The following ARSK variants were observed in gnomAD, a reference collection of about 807,000 sequenced individuals.
The protein encoded by ARSK is arylsulfatase K.
In ARSK, 37 loss-of-function variants were observed where a neutral mutation model predicts 53.2. The ratio of observed to expected loss-of-function variants is 0.70; its 90% CI spans 0.54 to 0.92. ARSK has a LOEUF of 0.92. ARSK is among the 40% of genes least tolerant of loss of function. The pLI is 0.00. For synonymous variants in ARSK, 208 were observed against 223.2 expected, an observed-to-expected ratio of 0.93 and a Z score of 0.61; for missense variants, 613 against 643.0, an observed-to-expected ratio of 0.95 and a Z score of 0.51.
rs1749462005 is a variant in ARSK at position 95,604,195 on chromosome 5, T to G, written c.*669T>G. The G allele has an allele frequency of 6.6e-6, 1 of 152,228 alleles. No homozygotes were observed. Among genetic ancestry groups the G allele is most frequent in the Non-Finnish European group, 1.5e-5 (1 of 68,036 alleles). 9.4% of individuals were successfully genotyped at this position (152,228 alleles called of 1,614,324 possible). A position where few individuals can be genotyped will look rare whatever the true frequency, so the allele number is the denominator to read the frequency against. On this transcript the variant is annotated 3_prime_UTR_variant, in exon 8 of 8. Coordinates refer to ENST00000380009, the MANE Select transcript of ARSK (RefSeq NM_198150.3). ...TTGATGGTGCTCGATGAGTTACTTG[T>G]ATTTGATGGGATTGTTTGGATGTAT...
At chr5:95,594,839 CAAACAAAAAAAAAAAAAAG>C (rs1315386384) in intron 6 of ARSK, among the ~76,000 whole-genome samples, 2 of 51,270 alleles carry the variant, frequency 3.9e-5, no homozygotes, top group Non-Finnish European at 1.1e-4. Flanking sequence ...GACTACGTCT[CAAACAAAAAAAAAAAAAAG>C]AAAGAAATAG....
chr5:95,557,464 T>C (rs1167758881), intron 1 of ARSK, among the ~76,000 whole-genome samples: 2 of 152,256 alleles, frequency 1.3e-5, no homozygotes, highest in Admixed American at 6.5e-5. Flanking sequence ...ACTTATTTGC[T>C]TTATCCAAAC....
chr5:95,568,815 C>G (rs1007810031), intron 3 of ARSK, among the ~76,000 whole-genome samples: 13 of 151,992 alleles, frequency 8.6e-5, no homozygotes, highest in Admixed American at 2.6e-4. Context: ...TGGTTTATGC[C>G]GAATACCAGC....
In ARSK at chr5:95,555,705, C is replaced by T. The variant is rs1748485948; in HGVS notation, c.126+301C>T. Among the ~76,000 whole-genome samples, 2 of 152,128 alleles carry T rather than the reference C, an allele frequency of 1.3e-5. No homozygotes were observed. Among genetic ancestry groups the T allele is most frequent in the Admixed American group, 1.3e-4 (2 of 15,268 alleles). On this transcript the variant is annotated intron_variant, in intron 1 of 7. Transcript: ENST00000380009. This position sits in a 1 kb window ranked among gnomAD's most constrained non-coding sequence, Gnocchi z 4.0. The stretch of plus-strand genomic sequence containing the variant: ...ACGACTAATGAACTTTCAGTCCATA[C>T]CCCCGTTTGGTTTAATTGTGTGGTA...
chr5:95,555,447 G>T lies in ARSK; in HGVS notation c.126+43G>T. The T allele has an allele frequency of 6.4e-7, 1 of 1,562,364 alleles. No homozygotes were observed. ...GGGGAGGGGCGCCCCGCTGGGGATC[G>T]GCGACCTCACCGCCGCCGCCTGTGC... On this transcript the variant is annotated intron_variant, in intron 1 of 7. Coordinates refer to ENST00000380009, the MANE Select transcript of ARSK (RefSeq NM_198150.3). This position sits in a 1 kb window ranked among gnomAD's most constrained non-coding sequence, Gnocchi z 4.0.
intron 6 of ARSK, 32 bp downstream of exon 6, chr5:95,591,657 G>C: frequency 1.9e-6 from 3 of 1,602,160 alleles, no homozygotes; most frequent in Non-Finnish European, 2.6e-6. Context: ...ATATTTATTT[G>C]TAATAATGCT....
In ARSK at chr5:95,560,160, CATT is replaced by C. The variant is rs572231373; in HGVS notation, c.126+4757_126+4759del. On this transcript the variant is annotated intron_variant, in intron 1 of 7. Transcript: ENST00000380009. ...TTCTTATACTCCGAAAACTACAAAA[CATT>C]GTTGAAAGAAATAAAAGAACATTTA... Among the ~76,000 whole-genome samples, 584 of 152,232 alleles carry C rather than the reference CATT, an allele frequency of 3.8e-3. 4 individuals carry two copies. Among genetic ancestry groups the C allele is most frequent in the South Asian group, 7.3e-3 (35 of 4,820 alleles).
intron 5 of ARSK, among the ~76,000 whole-genome samples, chr5:95,590,558 T>C (rs571602871): frequency 6.6e-6 from 1 of 152,206 alleles, no homozygotes; most frequent in Non-Finnish European, 1.5e-5. Context: ...AGTTGTCCAG[T>C]TGAAAAATCA....
chr5:95,572,111 C>T (rs1748841476), intron 3 of ARSK, among the ~76,000 whole-genome samples: 1 of 152,062 alleles, frequency 6.6e-6, no homozygotes, highest in Non-Finnish European at 1.5e-5. Flanking sequence ...CCTTCTTGTA[C>T]CAGTTTAGGA....
chr5:95,556,235 T>G (rs1338961039), intron 1 of ARSK: 2 of 702,330 alleles, frequency 2.8e-6, no homozygotes, highest in Non-Finnish European at 5.2e-6. Flanking sequence ...TTACATAGTC[T>G]GGATGTGCCC....
In ARSK at chr5:95,598,749, T is replaced by A. The variant is rs1210431884; in HGVS notation, c.1097-2098T>A. Among the ~76,000 whole-genome samples, 4 of 152,206 alleles carry A rather than the reference T, an allele frequency of 2.6e-5. No homozygotes were observed. In the South Asian group the frequency reaches 6.2e-4, roughly 24 times the overall value. On this transcript the variant is annotated intron_variant, in intron 6 of 7. Transcript: ENST00000380009. ...TCTCTTCTCTTCCCCAACTCATCTC[T>A]TATAATTTTATCCCTCACTTACTCT... is the stretch of plus-strand genomic sequence containing the variant.
At chr5:95,586,511 A>G (rs758803660) in intron 4 of ARSK, 51 bp from the exon 5 acceptor site, 1 of 1,405,802 alleles carries the variant, frequency 7.1e-7, no homozygotes, top group East Asian at 2.3e-5. Context: ...ATTGGAGGAA[A>G]GAAATAGCAC....
chr5:95,592,798 C>T lies in ARSK; in HGVS notation c.1096+1173C>T, dbSNP rs141329242. Among the ~76,000 whole-genome samples the T allele has an allele frequency of 4.3e-3, 654 of 152,284 alleles. 5 individuals carry two copies. The highest frequency in any genetic ancestry group is 0.036 in the South Asian group (172 of 4,828). On this transcript the variant is annotated intron_variant, in intron 6 of 7. Transcript: ENST00000380009. ...CCTTGACCTTGTGATCCGCTTGCCT[C>T]GGCCTCCCAAAGTGCTGGGATTACA...
At chr5:95,586,475 C>T (rs1749114393) in intron 4 of ARSK, 87 bp from the exon 5 acceptor site, 2 of 1,032,190 alleles carry the variant, frequency 1.9e-6, no homozygotes, top group Non-Finnish European at 2.9e-6. Context: ...AGTAATTAAA[C>T]ATTGTTGATT....
intron 1 of ARSK, among the ~76,000 whole-genome samples, chr5:95,564,605 C>T (rs979294123): frequency 1.3e-5 from 2 of 152,126 alleles, no homozygotes; most frequent in African/African-American, 2.4e-5. Flanking sequence ...TACCACGCAT[C>T]GAAAGTGCTC....
intron 1 of ARSK, among the ~76,000 whole-genome samples, chr5:95,564,771 C>T (rs1356194934): frequency 1.3e-5 from 2 of 152,146 alleles, no homozygotes; most frequent in Non-Finnish European, 2.9e-5. Context: ...CATCTTCCTC[C>T]CTTGGCCATT....
In ARSK at chr5:95,555,524, G is replaced by A. The variant is rs1339720005; in HGVS notation, c.126+120G>A. 1.2e-5 allele frequency: 13 copies of A among 1,089,426 alleles called. No individual in the cohort carries two copies. The highest frequency in any genetic ancestry group is 1.6e-5 in the African/African-American group (1 of 61,566). The allele number at this position is 1,089,426 out of a possible 1,614,324, so 67.5% of individuals were successfully genotyped here. ...GACATTTTCAAACACCTTTTACCCC[G>A]ATGCAAAGAAAGAAATACATTTTAT... On this transcript the variant is annotated intron_variant, in intron 1 of 7. Coordinates refer to ENST00000380009, the MANE Select transcript of ARSK (RefSeq NM_198150.3). This position sits in a 1 kb window ranked among gnomAD's most constrained non-coding sequence, Gnocchi z 4.0.
chr5:95,597,052 C>T (rs1749319967), intron 6 of ARSK, among the ~76,000 whole-genome samples: 1 of 151,948 alleles, frequency 6.6e-6, no homozygotes, highest in Non-Finnish European at 1.5e-5. Context: ...GATATTATTT[C>T]TGAGATTATT....
At chr5:95,596,421 G>A (rs1004783749) in intron 6 of ARSK, among the ~76,000 whole-genome samples, 9 of 152,156 alleles carry the variant, frequency 5.9e-5, no homozygotes, top group Middle Eastern at 3.4e-3. Context: ...CACACACAGA[G>A]GAGAGGCTTA....
Sources: allele counts gnomAD v4.1 joint callset (sites outside exome capture counted in the v4.1 genomes callset), GRCh38; gene constraint gnomAD v4.1.1; non-coding constraint Gnocchi (gnomAD v3.1); transcripts MANE v1.5; gene names NCBI Gene and HGNC (gene_info 2026-07-23, HGNC 2026-07-21).